Variants in RBFOX1 observed in about 807,000 individuals in gnomAD.
The protein encoded by RBFOX1 is RNA binding protein fox-1 homolog 1.
A neutral mutation model predicts 57.7 loss-of-function variants in RBFOX1; 8 were observed. The observed-to-expected ratio is 0.14, with a 90% CI of 0.08 to 0.25. The LOEUF (loss-of-function observed/expected upper bound fraction) is 0.25. Among genes scored for constraint, RBFOX1 ranks in the 10% least tolerant of loss-of-function variants. The probability of loss-of-function intolerance (pLI) is 1.00; values close to 1 mark genes in which losing one functional copy is unlikely to be tolerated. For synonymous variants in RBFOX1, 326 were observed against 222.4 expected (o/e 1.47, Z -4.15); for missense variants, 611 against 548.5 (o/e 1.11, Z -1.14).
At chr16:5,881,738 CA>C (rs1184803476) in intron 4 of RBFOX1, among the ~76,000 whole-genome samples, 1 of 152,048 alleles carries the variant, frequency 6.6e-6, no homozygotes, top group Admixed American at 6.6e-5. Context: ...ATTTTCCCCC[CA>C]ATGCTAGGTG....
chr16:6,247,106 GC>G (rs1369473303), intron 1 of RBFOX1, among the ~76,000 whole-genome samples: 4 of 152,184 alleles, frequency 2.6e-5, no homozygotes, highest in Admixed American at 6.6e-5. Context: ...GACCACTGTA[GC>G]ATTGGTCACT....
chr16:6,480,623 C>T (rs117049084), intron 2 of RBFOX1, among the ~76,000 whole-genome samples: 1,651 of 152,318 alleles, frequency 0.011, 15 homozygotes, highest in Admixed American at 0.018. Flanking sequence ...CTGTTTTGGA[C>T]TGTTCCCAGT....
At chr16:6,456,444 G>A (rs1292689121) in intron 2 of RBFOX1, among the ~76,000 whole-genome samples, 1 of 152,130 alleles carries the variant, frequency 6.6e-6, no homozygotes. Flanking sequence ...GAGTGGCTGC[G>A]ATTATTCAAG....
At chr16:7,617,052 G>A (rs988581111) in intron 10 of RBFOX1, among the ~76,000 whole-genome samples, 3 of 151,968 alleles carry the variant, frequency 2.0e-5, no homozygotes, top group Non-Finnish European at 4.4e-5. Context: ...TAGTAGTGAG[G>A]ATGATGATGG....
chr16:6,781,922 C>G (rs1204476537), intron 3 of RBFOX1, among the ~76,000 whole-genome samples: 1 of 151,916 alleles, frequency 6.6e-6, no homozygotes, highest in African/African-American at 2.4e-5. Flanking sequence ...TTTAGTGTTT[C>G]TTTTCTTTGA....
chr16:7,280,713 T>A (rs2141137954), intron 4 of RBFOX1, among the ~76,000 whole-genome samples: 1 of 152,296 alleles, frequency 6.6e-6, no homozygotes, highest in South Asian at 2.1e-4. Context: ...AGATTGATAG[T>A]TCATTGATAT....
chr16:6,373,759 A>G (rs566940154), intron 2 of RBFOX1, among the ~76,000 whole-genome samples: 1 of 152,242 alleles, frequency 6.6e-6, no homozygotes, highest in Admixed American at 6.5e-5. Context: ...TGTGACGATA[A>G]AGGATCATTA....
At chr16:6,200,059 G>A (rs1034387806) in intron 1 of RBFOX1, among the ~76,000 whole-genome samples, 1 of 152,162 alleles carries the variant, frequency 6.6e-6, no homozygotes. Flanking sequence ...TACAAATGGA[G>A]ATGTCTAGAG....
chr16:7,431,211 ATG>A (rs1281376914), intron 4 of RBFOX1: 2 of 151,870 alleles, frequency 1.3e-5, no homozygotes, highest in Admixed American at 6.6e-5. Context: ...TATTTTTTAC[ATG>A]TCTTTTATTA....
At position 6,085,991 on chromosome 16, in the gene RBFOX1, A is replaced by G. The variant is rs56923819; in HGVS notation, c.-127+65999A>G. Among the ~76,000 whole-genome samples, 4 of 152,000 alleles carry G rather than the reference A, an allele frequency of 2.6e-5. 1 individual carries two copies. In the South Asian group the frequency reaches 6.2e-4, roughly 24 times the overall value. On this transcript the variant is annotated intron_variant, in intron 1 of 15. Transcript: ENST00000550418. ...GCTCTCTCTTCCCCCAGCCCCCTAC[A>G]GACCCCACTGTGTGATGTTCCCCTC... is the stretch of plus-strand genomic sequence containing the variant.
intron 3 of RBFOX1, among the ~76,000 whole-genome samples, chr16:6,858,626 C>T (rs925794967): frequency 6.6e-6 from 1 of 152,104 alleles, no homozygotes; most frequent in African/African-American, 2.4e-5. Flanking sequence ...CAGACGATTT[C>T]ATTTAGTTTA....
chr16:5,379,586 GC>G (rs2066078746), intron 1 of RBFOX1, among the ~76,000 whole-genome samples: 1 of 152,208 alleles, frequency 6.6e-6, no homozygotes, highest in Non-Finnish European at 1.5e-5. Context: ...ACTGGGCTCT[GC>G]TACTTAATCT....
At chr16:5,870,628 T>C (rs116421054) in intron 4 of RBFOX1, among the ~76,000 whole-genome samples, 2,190 of 152,164 alleles carry the variant, frequency 0.014, 37 homozygotes, top group African/African-American at 0.05. Flanking sequence ...AGTCTTTTTT[T>C]TTTCCTTACC....
At chr16:7,093,277 C>T (rs2061162667) in intron 4 of RBFOX1, among the ~76,000 whole-genome samples, 1 of 152,136 alleles carries the variant, frequency 6.6e-6, no homozygotes, top group South Asian at 2.1e-4. Flanking sequence ...ATTATATTAT[C>T]CCTTATCTTT....
At chr16:6,053,796 A>G (rs7201662) in intron 1 of RBFOX1, among the ~76,000 whole-genome samples, 139,463 of 152,230 alleles carry the variant, frequency 0.92, 63,991 homozygotes, top group African/African-American at 0.96. Flanking sequence ...CCTGCCCCAT[A>G]CCTATAATTC....
intron 1 of RBFOX1, among the ~76,000 whole-genome samples, chr16:5,369,062 C>T (rs563319328): frequency 3.5e-4 from 54 of 152,288 alleles, no homozygotes; most frequent in Middle Eastern, 3.4e-3. Flanking sequence ...AGTGCAGTGG[C>T]GCCATCTTGG....
At chr16:5,450,157 C>A (rs1444120760) in intron 1 of RBFOX1, among the ~76,000 whole-genome samples, 3 of 152,180 alleles carry the variant, frequency 2.0e-5, no homozygotes. Flanking sequence ...AAGTCTCTCT[C>A]ACAGGCAGGA....
At chr16:6,777,778 C>T (rs560451448) in intron 3 of RBFOX1, among the ~76,000 whole-genome samples, 1 of 152,182 alleles carries the variant, frequency 6.6e-6, no homozygotes, top group East Asian at 1.9e-4. Flanking sequence ...GATGAGAAAA[C>T]ACAAGGGGAG....
chr16:6,389,328 C>T (rs1352903132), intron 2 of RBFOX1, among the ~76,000 whole-genome samples: 2 of 150,168 alleles, frequency 1.3e-5, no homozygotes, highest in Middle Eastern at 3.4e-3. Context: ...TCAAGATGAC[C>T]TGCCCACCAC....
Sources: gnomAD v4.1 joint callset for allele counts (sites outside exome capture counted in the v4.1 genomes callset) on GRCh38, gnomAD v4.1.1 for gene constraint, MANE v1.5 for transcripts, NCBI Gene and HGNC (gene_info 2026-07-23, HGNC 2026-07-21) for gene names.